Variants in PCDHA1 observed in about 807,000 individuals in gnomAD.
The protein encoded by PCDHA1 is protocadherin alpha 1.
In PCDHA1, 42 loss-of-function variants were observed where a neutral mutation model predicts 61.3. The observed-to-expected ratio is 0.69, with a 90% CI of 0.54 to 0.89. PCDHA1 has a LOEUF of 0.89. Among genes scored for constraint, PCDHA1 ranks in the 40% least tolerant of loss-of-function variants. The pLI is 0.00. For missense variants in PCDHA1, 1,256 were observed against 1,235.3 expected (o/e 1.02, Z -0.25); for synonymous variants, 610 against 553.8 (o/e 1.10, Z -1.43).
rs2150101558 is a variant in PCDHA1, at chr5:140,818,539, A to G, written c.2394+29855A>G. On this transcript the variant is annotated intron_variant, in intron 1 of 3. Coordinates refer to ENST00000504120, the MANE Select transcript of PCDHA1 (RefSeq NM_018900.4). ...ACCTGAGAGATTATCATTTTTCTCC[A>G]TTTAATAATGAATCAGGCCAGGCAT... Among the ~76,000 whole-genome samples, 1,266 of 152,316 alleles carry G rather than the reference A, an allele frequency of 8.3e-3. 19 individuals are homozygous for G. Among genetic ancestry groups the G allele is most frequent in the African/African-American group, 0.029 (1,212 of 41,572 alleles).
chr5:140,853,347 T>A, intron 1 of PCDHA1: 1 of 983,892 alleles, frequency 1.0e-6, no homozygotes. Context: ...TTAGCAAACA[T>A]GAACTCACAG....
chr5:140,922,950 T>G (rs928008081), intron 1 of PCDHA1, among the ~76,000 whole-genome samples: 6 of 152,208 alleles, frequency 3.9e-5, no homozygotes, highest in Non-Finnish European at 5.9e-5. Flanking sequence ...GGAAATCCAG[T>G]TTGTCTTCAG....
chr5:140,947,539 C>G (rs144026826), intron 1 of PCDHA1, among the ~76,000 whole-genome samples: 3 of 151,678 alleles, frequency 2.0e-5, no homozygotes, highest in Admixed American at 2.0e-4. Context: ...TCAATTTCTA[C>G]AAAGAATTCC....
chr5:140,805,462 T>C (rs1763575725), intron 1 of PCDHA1: 1 of 1,015,916 alleles, frequency 9.8e-7, no homozygotes, highest in Non-Finnish European at 1.2e-6. Flanking sequence ...TGTGTGAGTG[T>C]AGTTCTTCAA....
chr5:140,802,316 C>T (rs782601468), intron 1 of PCDHA1: 2 of 1,614,264 alleles, frequency 1.2e-6, no homozygotes, highest in Non-Finnish European at 1.7e-6. Flanking sequence ...CTCTGATCAG[C>T]GTGTCCGACC....
Position 140,930,862 on chromosome 5 carries a change from GGT to G in PCDHA1, c.2395-48086_2395-48085del, listed in dbSNP as rs1554208154. On this transcript the variant is annotated intron_variant, in intron 1 of 3. Coordinates refer to ENST00000504120, the MANE Select transcript of PCDHA1 (RefSeq NM_018900.4). Reference sequence around the variant, plus strand: ...AAATATGTGCATATATGAATTGGATGGTAACACTGTTCAACACAGAGGGAAAA... The same window carrying G: ...AAATATGTGCATATATGAATTGGATGAACACTGTTCAACACAGAGGGAAAA... 5.3e-3 allele frequency among the ~76,000 whole-genome samples: 803 copies of G among 152,226 alleles called. 3 individuals carry two copies. Among genetic ancestry groups the G allele is most frequent in the Non-Finnish European group, 8.4e-3 (568 of 67,990 alleles).
At chr5:140,996,308 A>G (rs997099218) in intron 3 of PCDHA1, among the ~76,000 whole-genome samples, 4 of 152,240 alleles carry the variant, frequency 2.6e-5, no homozygotes, top group African/African-American at 9.6e-5. Flanking sequence ...GTAACAAAGT[A>G]AGGGGGGAGG....
At chr5:140,870,097 C>T in intron 1 of PCDHA1, 1 of 1,613,888 alleles carries the variant, frequency 6.2e-7, no homozygotes, top group African/African-American at 1.3e-5. Context: ...AATGGCAGGT[C>T]ACTGTACAGT....
Position 140,881,340 on chromosome 5 carries a change from CG to C in PCDHA1, c.2394+92659del, listed in dbSNP as rs1453642152. Reference sequence around the variant, plus strand: ...ATTCTATTTAACCAGGACGCCGATTCGGGCTACAATGCGTGGCTTTCGTATG... The same window carrying C: ...ATTCTATTTAACCAGGACGCCGATTCGGCTACAATGCGTGGCTTTCGTATG... On this transcript the variant is annotated intron_variant, in intron 1 of 3. Coordinates refer to ENST00000504120, the MANE Select transcript of PCDHA1 (RefSeq NM_018900.4). The C allele has an allele frequency of 3.0e-6, 3 of 984,934 alleles. No individual in the cohort carries two copies. The African/African-American group carries it at 5.2e-5, about 17-fold the overall frequency. The allele number at this position is 984,934 out of a possible 1,614,324, so 61.0% of individuals were successfully genotyped here. A position where few individuals can be genotyped will look rare whatever the true frequency, so the allele number is the denominator to read the frequency against.
intron 1 of PCDHA1, among the ~76,000 whole-genome samples, chr5:140,818,917 A>G (rs2150102673): frequency 6.6e-6 from 1 of 152,224 alleles, no homozygotes; most frequent in East Asian, 1.9e-4. Context: ...GTCCCTTTCT[A>G]TTAAGTGAGA....
intron 1 of PCDHA1, chr5:140,822,752 C>T (rs200831175): frequency 3.1e-6 from 5 of 1,613,700 alleles, no homozygotes; most frequent in Middle Eastern, 1.6e-4. Flanking sequence ...GATAAAAGTA[C>T]ATTCCCATTA....
chr5:140,855,925 C>T, intron 1 of PCDHA1: 2 of 1,240,614 alleles, frequency 1.6e-6, no homozygotes, highest in Admixed American at 2.5e-5. Flanking sequence ...TAGGAAGTAG[C>T]GTCATTCTGA....
At chr5:140,829,392 C>A in intron 1 of PCDHA1, 1 of 1,614,160 alleles carries the variant, frequency 6.2e-7, no homozygotes, top group Non-Finnish European at 8.5e-7. Flanking sequence ...GGCTCGCCTT[C>A]GCTGTGGGCC....
In PCDHA1 at chr5:140,857,269, G is replaced by T. The variant is rs375802816; in HGVS notation, c.2394+68585G>T. 8.1e-6 allele frequency: 13 copies of T among 1,598,726 alleles called. 1 individual carries two copies. The highest frequency in any genetic ancestry group is 1.1e-5 in the South Asian group (1 of 90,558). On this transcript the variant is annotated intron_variant, in intron 1 of 3. Coordinates refer to ENST00000504120, the MANE Select transcript of PCDHA1 (RefSeq NM_018900.4). ...CCTACAAGAATTACTACTCATTGGT[G>T]CTGGACAGCGCTCTGGACCGCGAGA... is the stretch of plus-strand genomic sequence containing the variant.
intron 1 of PCDHA1, among the ~76,000 whole-genome samples, chr5:140,952,560 C>T (rs536018099): frequency 5.2e-4 from 79 of 152,304 alleles, no homozygotes; most frequent in Non-Finnish European, 1.0e-3. Context: ...TCACTATCAG[C>T]ACTTCGGTCC....
chr5:140,926,703 C>G (rs2083476417), intron 1 of PCDHA1: 2 of 835,304 alleles, frequency 2.4e-6, no homozygotes, highest in Admixed American at 7.4e-5. Context: ...CGGCTCCCAG[C>G]TGGCCAGCCC....
At chr5:140,953,959 C>T (rs2094958753) in intron 1 of PCDHA1, among the ~76,000 whole-genome samples, 1 of 152,044 alleles carries the variant, frequency 6.6e-6, no homozygotes, top group South Asian at 2.1e-4. Flanking sequence ...CAACAGGCCC[C>T]AGTGTGTGTT....
At chr5:140,788,757 C>T in intron 1 of PCDHA1, 73 bp downstream of exon 1, 1 of 1,464,384 alleles carries the variant, frequency 6.8e-7, no homozygotes, top group African/African-American at 1.4e-5. Flanking sequence ...TTTCAAATAT[C>T]ACTTTAAAAA....
At chr5:140,838,260 C>A (rs1775624782) in intron 1 of PCDHA1, among the ~76,000 whole-genome samples, 1 of 147,458 alleles carries the variant, frequency 6.8e-6, no homozygotes, top group African/African-American at 2.5e-5. Context: ...ATTAAAGACG[C>A]CAACAACCAA....
Sources: allele counts gnomAD v4.1 joint callset (sites outside exome capture counted in the v4.1 genomes callset), GRCh38; gene constraint gnomAD v4.1.1; transcripts MANE v1.5; gene names NCBI Gene and HGNC (gene_info 2026-07-23, HGNC 2026-07-21).